Variants in EPAS1 observed in about 807,000 individuals in gnomAD.
EPAS1 encodes the protein endothelial PAS domain protein 1.
Under a neutral mutation model 87.9 loss-of-function variants are expected in EPAS1, and 23 were observed. That is an observed-to-expected ratio of 0.26 (90% CI 0.19 to 0.37). The LOEUF is 0.37. Among genes scored for constraint, EPAS1 ranks in the 10% least tolerant of loss-of-function variants. The pLI, the probability that EPAS1 is intolerant of heterozygous loss-of-function variation, is 1.00. For missense variants in EPAS1, 1,138 were observed against 1,120.7 expected, an observed-to-expected ratio of 1.02 and a Z score of -0.22; for synonymous variants, 508 against 444.3, an observed-to-expected ratio of 1.14 and a Z score of -1.80.
At chr2:46,382,138 A>G (rs1466847692) in intron 14 of EPAS1, 49 bp downstream of exon 14, 7 of 1,563,596 alleles carry the variant, frequency 4.5e-6, no homozygotes, top group Non-Finnish European at 5.3e-6. Context: ...TGGTGGAAGG[A>G]CTGGGGCTCG....
At position 46,346,834 on chromosome 2, in the gene EPAS1, A is replaced by C; in HGVS notation, c.27-39A>C. 1.2e-6 allele frequency: 2 copies of C among 1,611,792 alleles called. No homozygotes were observed. Among genetic ancestry groups the C allele is most frequent in the Non-Finnish European group, 1.7e-6 (2 of 1,178,540 alleles). On this transcript the variant is annotated intron_variant, in intron 1 of 15. Coordinates refer to ENST00000263734, the MANE Select transcript of EPAS1 (RefSeq NM_001430.5). The surrounding 1 kb of genome is among the most constrained non-coding windows in gnomAD (Gnocchi z 4.0). ...CTGGCCAGAGGTATGATAGGCTGACAGTAACCTTTCCGGGACTAACCCCTT... is the reference window on the plus strand; with the variant it reads ...CTGGCCAGAGGTATGATAGGCTGACCGTAACCTTTCCGGGACTAACCCCTT...
rs184982775 is a variant in EPAS1, at chr2:46,333,799, C to T, written c.27-13074C>T. ...TTTTGGGGAAAGAGTGGTGGGCTGG[C>T]GAGCTGTTCCTTGCCCCAAGATCTG... On this transcript the variant is annotated intron_variant, in intron 1 of 15. Coordinates refer to ENST00000263734, the MANE Select transcript of EPAS1 (RefSeq NM_001430.5). Among the ~76,000 whole-genome samples the T allele has an allele frequency of 3.8e-4, 57 of 151,300 alleles. No individual in the cohort carries two copies. In the East Asian group the frequency reaches 9.0e-3, roughly 24 times the overall value.
rs577638316 is a variant in EPAS1 at position 46,361,507 on chromosome 2, A to G, written c.779+417A>G. 3.9e-5 allele frequency among the ~76,000 whole-genome samples: 6 copies of G among 152,202 alleles called. No homozygotes were observed. In the South Asian group the frequency reaches 8.3e-4, roughly 21 times the overall value. On this transcript the variant is annotated intron_variant, in intron 6 of 15. Transcript: ENST00000263734. ...CTGCCCTGGAGACTGACCCTCTTCC[A>G]TTACTGACTGAGCCTTTCCCTCCGC... is the stretch of plus-strand genomic sequence containing the variant.
Position 46,362,867 on chromosome 2 carries a change from A to T in EPAS1, c.779+1777A>T, listed in dbSNP as rs7604372. 8.9e-3 allele frequency among the ~76,000 whole-genome samples: 1,360 copies of T among 152,102 alleles called. 15 individuals are homozygous for T. The highest frequency in any genetic ancestry group is 0.031 in the African/African-American group (1,292 of 41,468). On this transcript the variant is annotated intron_variant, in intron 6 of 15. Coordinates refer to ENST00000263734, the MANE Select transcript of EPAS1 (RefSeq NM_001430.5). ...TGGGTAGTTATATAAGTAGAAAGAA[A>T]TGCTCTAACCTCATAGGGAGAAAAT... is the stretch of plus-strand genomic sequence containing the variant.
intron 2 of EPAS1, among the ~76,000 whole-genome samples, chr2:46,351,954 C>G (rs1200796085): frequency 6.6e-6 from 1 of 152,158 alleles, no homozygotes; most frequent in African/African-American, 2.4e-5. Context: ...AGCGTTGCTC[C>G]GGAAAAAGTG....
chr2:46,325,079 G>T (rs78052568), intron 1 of EPAS1, among the ~76,000 whole-genome samples: 481 of 152,356 alleles, frequency 3.2e-3, no homozygotes, highest in Non-Finnish European at 5.1e-3. Context: ...ATGGAGCAGG[G>T]AAATCTCCTG....
chr2:46,299,516 A>G (rs1456582799), intron 1 of EPAS1, among the ~76,000 whole-genome samples: 2 of 152,274 alleles, frequency 1.3e-5, no homozygotes, highest in Non-Finnish European at 2.9e-5. Context: ...AAAACCAATC[A>G]TAATGCTAAT....
intron 6 of EPAS1, 33 bp downstream of exon 6, chr2:46,361,123 G>C: frequency 6.2e-7 from 1 of 1,608,150 alleles, no homozygotes; most frequent in South Asian, 1.1e-5. Context: ...GCTGTGGGCA[G>C]AGATGGGTCT....
intron 1 of EPAS1, among the ~76,000 whole-genome samples, chr2:46,310,095 G>GCCT (rs2104841145): frequency 6.6e-6 from 1 of 152,282 alleles, no homozygotes; most frequent in East Asian, 1.9e-4. Flanking sequence ...CACTTCTCAG[G>GCCT]GTAATAAACG....
At chr2:46,356,127 T>G in intron 2 of EPAS1, 24 bp from the exon 3 acceptor site, 10 of 1,395,418 alleles carry the variant, frequency 7.2e-6, no homozygotes, top group Non-Finnish European at 9.9e-6. Context: ...TCATGCAAGC[T>G]GTCCCACCCC....
In EPAS1 at chr2:46,386,470, T is replaced by C. The variant is rs1023068323; in HGVS notation, c.*1810T>C. On this transcript the variant is annotated 3_prime_UTR_variant, in exon 16 of 16. Transcript: ENST00000263734. ...CTGACGTGTAAATGCTGGTATTTGA[T>C]TTCCTGTGTGTGTTGCCCTGGCATT... is the stretch of plus-strand genomic sequence containing the variant. 2.0e-5 allele frequency: 3 copies of C among 152,680 alleles called. No individual in the cohort carries two copies. The highest frequency in any genetic ancestry group is 2.1e-4 in the South Asian group (1 of 4,830). The allele number at this position is 152,680 out of a possible 1,614,324, so 9.5% of individuals were successfully genotyped here. A position where few individuals can be genotyped will look rare whatever the true frequency, so the allele number is the denominator to read the frequency against.
intron 1 of EPAS1, among the ~76,000 whole-genome samples, chr2:46,327,966 T>C (rs567348699): frequency 5.9e-5 from 9 of 152,250 alleles, no homozygotes; most frequent in African/African-American, 2.2e-4. Context: ...AATGTTAACC[T>C]ACCTCCGGGG....
chr2:46,346,888 G>A lies in EPAS1; in HGVS notation c.42G>A (p.Arg14=). The stretch of plus-strand genomic sequence containing the variant: ...CTCCACTTAGGAGTAGCTCGGAGAG[G>A]AGGAAGGAGAAGTCCCGGGATGCTG... ...DKEKKRSSSE[R]RKEKSRDAAR... Residue 14 remains arginine, a synonymous_variant, in exon 2 of 16, where the codon AGG becomes AGA. Transcript: ENST00000263734. The surrounding 1 kb of genome is among the most constrained non-coding windows in gnomAD (Gnocchi z 4.0). 1 of 1,614,218 alleles carries A rather than the reference G, an allele frequency of 6.2e-7. No individual in the cohort carries two copies. Among genetic ancestry groups the A allele is most frequent in the African/African-American group, 1.3e-5 (1 of 75,054 alleles).
intron 1 of EPAS1, among the ~76,000 whole-genome samples, chr2:46,298,392 C>T (rs867779386): frequency 7.9e-5 from 12 of 152,334 alleles, no homozygotes; most frequent in African/African-American, 2.9e-4. Context: ...GCTCCTGTGC[C>T]CGCGCCGCGG....
chr2:46,369,530 AAC>A (rs1035572502), intron 6 of EPAS1, among the ~76,000 whole-genome samples: 1 of 152,158 alleles, frequency 6.6e-6, no homozygotes, highest in African/African-American at 2.4e-5. Flanking sequence ...GTTCTTGGAG[AAC>A]AGACATATGT....
In EPAS1 at chr2:46,380,380, A is replaced by T. The variant is rs747607259; in HGVS notation, c.1708A>T (p.Ile570Phe). Residue 570 changes from isoleucine to phenylalanine, a missense_variant, in exon 12 of 16, where the codon ATC becomes TTC. By Grantham distance (21) the Ile-to-Phe change is conservative. Coordinates refer to ENST00000263734, the MANE Select transcript of EPAS1 (RefSeq NM_001430.5). This position sits in a 1 kb window ranked among gnomAD's most constrained non-coding sequence, Gnocchi z 4.4. ...PQHCFSAMTNIFQPLAPVAPH... is the reference protein window; with the variant it reads ...PQHCFSAMTNFFQPLAPVAPH... ...GCACTGCTTCAGTGCCATGACAAAC[A>T]TCTTCCAGCCACTGGCCCCTGTAGC... 6.2e-7 allele frequency: 1 copy of T among 1,614,028 alleles called. No individual in the cohort carries two copies. Among genetic ancestry groups the T allele is most frequent in the South Asian group, 1.1e-5 (1 of 91,078 alleles).
intron 1 of EPAS1, among the ~76,000 whole-genome samples, chr2:46,323,279 T>C (rs1180662644): frequency 6.6e-6 from 1 of 152,248 alleles, no homozygotes; most frequent in Non-Finnish European, 1.5e-5. Context: ...TATTCTACTC[T>C]TTGGCACTAA....
rs767266048 is a variant in EPAS1 at position 46,375,889 on chromosome 2, A to T, written c.1034+52A>T. ...TGGTGCAGGGTATGTGGGGGTGCCC[A>T]AGCTTCCCAGACTCAGGATGACAGG... On this transcript the variant is annotated intron_variant, in intron 8 of 15. Coordinates refer to ENST00000263734, the MANE Select transcript of EPAS1 (RefSeq NM_001430.5). This position sits in a 1 kb window ranked among gnomAD's most constrained non-coding sequence, Gnocchi z 4.1. 18 of 1,612,710 alleles carry T rather than the reference A, an allele frequency of 1.1e-5. No individual in the cohort carries two copies. Among genetic ancestry groups the T allele is most frequent in the Non-Finnish European group, 1.4e-5 (17 of 1,179,424 alleles).
intron 2 of EPAS1, among the ~76,000 whole-genome samples, chr2:46,355,346 T>G (rs577775903): frequency 6.6e-6 from 1 of 152,344 alleles, no homozygotes; most frequent in South Asian, 2.1e-4. Context: ...CATAGCCTAA[T>G]AGGAGGCTGA....
Sources: gnomAD v4.1 joint callset for allele counts (sites outside exome capture counted in the v4.1 genomes callset) on GRCh38, gnomAD v4.1.1 for gene constraint, Gnocchi (gnomAD v3.1) non-coding constraint, MANE v1.5 for transcripts, NCBI Gene and HGNC (gene_info 2026-07-23, HGNC 2026-07-21) for gene names.